Variants in ALMS1 observed in about 807,000 individuals in gnomAD.
The protein encoded by ALMS1 is ALMS1 centrosome and basal body associated protein.
ALMS1 carries 271 observed loss-of-function variants against 352.2 expected under a neutral mutation model. The ratio of observed to expected loss-of-function variants is 0.77; its 90% CI spans 0.70 to 0.85. The LOEUF is 0.85. ALMS1 is among the 40% of genes least tolerant of loss of function. The pLI is 0.00. For missense variants in ALMS1, 5,445 were observed against 4,870.7 expected (o/e 1.12, Z -3.51); for synonymous variants, 1,865 against 1,761.2 (o/e 1.06, Z -1.48).
At chr2:73,460,506 T>C (rs555404098) in intron 9 of ALMS1, among the ~76,000 whole-genome samples, 1 of 152,246 alleles carries the variant, frequency 6.6e-6, no homozygotes, top group East Asian at 1.9e-4. Context: ...CAGCTCCCAG[T>C]GTGAGCAACG....
chr2:73,544,568 G>C (rs13386124), intron 12 of ALMS1, among the ~76,000 whole-genome samples: 69,620 of 151,986 alleles, frequency 0.46, 17,365 homozygotes, highest in African/African-American at 0.67. Flanking sequence ...GTGTTGTCAG[G>C]GACATGGAGA....
rs745802005 is a variant in ALMS1 at position 73,450,090 on chromosome 2, T to C, written c.3563T>C (p.Leu1188Pro). The C allele has an allele frequency of 2.5e-6, 4 of 1,613,254 alleles. No homozygotes were observed. The Admixed American group carries it at 5.0e-5, about 20-fold the overall frequency. The change falls in exon 8 of 23, where the codon CTT (leucine) becomes CCT (proline). Residue 1188 changes from leucine (L) to proline (P), a missense_variant. Leu to Pro is a moderately conservative substitution (Grantham distance 98). Coordinates refer to ENST00000613296, the MANE Select transcript of ALMS1 (RefSeq NM_001378454.1). Reference protein sequence around the residue: ...GNQKTWIPRVLSTFYSQREKP... With the variant: ...GNQKTWIPRVPSTFYSQREKP... ...CAGAAGACTTGGATACCAAGAGTACTTTCTACCTTCTACTCACAAAGAGAG... is the reference window on the plus strand; with the variant it reads ...CAGAAGACTTGGATACCAAGAGTACCTTCTACCTTCTACTCACAAAGAGAG...
chr2:73,510,920 G>T (rs975704845), intron 10 of ALMS1, among the ~76,000 whole-genome samples: 1 of 152,194 alleles, frequency 6.6e-6, no homozygotes, highest in Non-Finnish European at 1.5e-5. Flanking sequence ...GCCCAGAGAG[G>T]AGGAATCTAG....
chr2:73,494,571 T>G (rs1457792882), intron 10 of ALMS1, among the ~76,000 whole-genome samples: 2 of 151,814 alleles, frequency 1.3e-5, no homozygotes, highest in East Asian at 3.8e-4. Flanking sequence ...CTATGACAGT[T>G]TCCCAGTCTT....
rs1674967197 is a variant in ALMS1, at chr2:73,572,810, C to T, written c.10933C>T (p.Gln3645Ter). Residue 3645 changes from glutamine (Q) to a stop codon, truncating the protein, a stop_gained, in exon 16 of 23, where the codon CAG (glutamine) becomes TAG (stop). Coordinates refer to ENST00000613296, the MANE Select transcript of ALMS1 (RefSeq NM_001378454.1). LOFTEE classifies it high-confidence loss of function. ...TCAGAATCCAATCACACATTCTCTCCAGGTCTCAGAAAGTACACATGATGA... is the reference window on the plus strand; with the variant it reads ...TCAGAATCCAATCACACATTCTCTCTAGGTCTCAGAAAGTACACATGATGA... ...ILQNPITHSL[Q>*]VSESTHDDSR... 3 of 1,613,870 alleles carry T rather than the reference C, an allele frequency of 1.9e-6. No individual in the cohort carries two copies. Among genetic ancestry groups the T allele is most frequent in the South Asian group, 1.1e-5 (1 of 91,058 alleles).
At chr2:73,573,485 A>G in intron 16 of ALMS1, 61 bp downstream of exon 16, 1 of 1,563,710 alleles carries the variant, frequency 6.4e-7, no homozygotes, top group South Asian at 1.1e-5. Context: ...TTTTTAGTTA[A>G]GCTTTGCACA....
chr2:73,586,183 G>A (rs7608706), intron 16 of ALMS1, among the ~76,000 whole-genome samples: 11,136 of 152,142 alleles, frequency 0.073, 1,006 homozygotes, highest in African/African-American at 0.21. Context: ...GTCCGTTGTC[G>A]GATGCATGGT....
chr2:73,569,100 C>T (rs1674867610), intron 15 of ALMS1, among the ~76,000 whole-genome samples: 1 of 136,954 alleles, frequency 7.3e-6, no homozygotes, highest in African/African-American at 2.8e-5. Context: ...CTGCAACCTC[C>T]ACCTTTTGGA....
intron 16 of ALMS1, among the ~76,000 whole-genome samples, chr2:73,583,868 T>C (rs1675252805): frequency 6.6e-6 from 1 of 152,188 alleles, no homozygotes; most frequent in East Asian, 1.9e-4. Context: ...TATCACACTA[T>C]TTTGATTACT....
At chr2:73,514,721 A>G (rs182882367) in intron 10 of ALMS1, among the ~76,000 whole-genome samples, 1 of 152,244 alleles carries the variant, frequency 6.6e-6, no homozygotes, top group East Asian at 1.9e-4. Flanking sequence ...AGCCTAAAAA[A>G]TTTCCTTTAG....
At position 73,527,378 on chromosome 2, in the gene ALMS1, C is replaced by T. The variant is rs145466024; in HGVS notation, c.9781+7362C>T. ...TCTTCTTTAACTATTTGGTACAATT[C>T]GGCAGTTAAGCCATTGAGTCCTCAG... On this transcript the variant is annotated intron_variant, in intron 11 of 22. Coordinates refer to ENST00000613296, the MANE Select transcript of ALMS1 (RefSeq NM_001378454.1). Among the ~76,000 whole-genome samples the T allele has an allele frequency of 1.7e-3, 257 of 151,866 alleles. 1 individual carries two copies. Among genetic ancestry groups the T allele is most frequent in the African/African-American group, 4.4e-3 (182 of 41,440 alleles).
Position 73,514,656 on chromosome 2 carries a change from T to A in ALMS1, c.9540-5119T>A, listed in dbSNP as rs1192488057. 2.0e-5 allele frequency among the ~76,000 whole-genome samples: 3 copies of A among 152,222 alleles called. No homozygotes were observed. The East Asian group carries it at 5.8e-4, about 29-fold the overall frequency. ...TATATATTTACATACACACATCCTT[T>A]AAGTGTTCTGCATTCTTTCTAGCAG... is the stretch of plus-strand genomic sequence containing the variant. On this transcript the variant is annotated intron_variant, in intron 10 of 22. Coordinates refer to ENST00000613296, the MANE Select transcript of ALMS1 (RefSeq NM_001378454.1).
At position 73,607,633 on chromosome 2, in the gene ALMS1, TA is replaced by T. The variant is rs954848880; in HGVS notation, c.12363-841del. Among the ~76,000 whole-genome samples, 4 of 152,070 alleles carry T rather than the reference TA, an allele frequency of 2.6e-5. 1 individual carries two copies. The highest frequency in any genetic ancestry group is 2.1e-4 in the South Asian group (1 of 4,818). ...CCTTTCTGCTCTTATCCATCATTAT[TA>T]TTTTTTTATTATTATTATTATTTTT... On this transcript the variant is annotated intron_variant, in intron 21 of 22. Coordinates refer to ENST00000613296, the MANE Select transcript of ALMS1 (RefSeq NM_001378454.1).
Position 73,453,750 on chromosome 2 carries a change from T to A in ALMS1, c.7223T>A (p.Met2408Lys). The change falls in exon 8 of 23, where the codon ATG becomes AAG. Residue 2408 changes from methionine (M) to lysine (K), a missense_variant. Physicochemically the swap from Met to Lys is moderately conservative, Grantham distance 95. Transcript: ENST00000613296. Reference protein sequence around the residue: ...TIGNKIIIPMMTVIKSDSSSD... With the variant: ...TIGNKIIIPMKTVIKSDSSSD... ...GGGAATAAAATTATTATCCCTATGATGACTGTCATAAAAAGTGATTCAAGT... is the reference window on the plus strand; with the variant it reads ...GGGAATAAAATTATTATCCCTATGAAGACTGTCATAAAAAGTGATTCAAGT... The A allele has an allele frequency of 6.2e-7, 1 of 1,614,168 alleles. No individual in the cohort carries two copies. Among genetic ancestry groups the A allele is most frequent in the Non-Finnish European group, 8.5e-7 (1 of 1,180,008 alleles).
In ALMS1 at chr2:73,397,111, T is replaced by TA. The variant is rs1205980888; in HGVS notation, c.324+10920dup. On this transcript the variant is annotated intron_variant, in intron 1 of 22. Transcript: ENST00000613296. ...TGCTAGGGGTTGTGGAGATAAAACT[T>TA]ACAGAAGCATGGAGGCCCTTCATAA... 2.6e-5 allele frequency among the ~76,000 whole-genome samples: 4 copies of TA among 152,326 alleles called. No homozygotes were observed. The East Asian group carries it at 7.7e-4, about 29-fold the overall frequency.
chr2:73,483,956 C>T (rs1376579258), intron 9 of ALMS1, among the ~76,000 whole-genome samples: 1 of 150,088 alleles, frequency 6.7e-6, no homozygotes, highest in Non-Finnish European at 1.5e-5. Context: ...TTATTTTGAG[C>T]CTATGTGTGT....
At chr2:73,436,006 T>C (rs966586457) in intron 7 of ALMS1, among the ~76,000 whole-genome samples, 1 of 152,250 alleles carries the variant, frequency 6.6e-6, no homozygotes, top group Non-Finnish European at 1.5e-5. Context: ...TGTTTTGTTA[T>C]GAAAATGTTA....
chr2:73,556,523 T>C (rs943977695), intron 13 of ALMS1, among the ~76,000 whole-genome samples: 5 of 152,084 alleles, frequency 3.3e-5, no homozygotes, highest in African/African-American at 1.2e-4. Context: ...TCTTGGATTA[T>C]ATGAAATATA....
intron 12 of ALMS1, among the ~76,000 whole-genome samples, chr2:73,542,286 G>C (rs922101095): frequency 1.3e-5 from 2 of 152,120 alleles, no homozygotes; most frequent in Non-Finnish European, 2.9e-5. Flanking sequence ...TATCTCAATA[G>C]ATGCAGAAAA....
Sources: gnomAD v4.1 joint callset for allele counts (sites outside exome capture counted in the v4.1 genomes callset) on GRCh38, gnomAD v4.1.1 for gene constraint, MANE v1.5 for transcripts, NCBI Gene and HGNC (gene_info 2026-07-23, HGNC 2026-07-21) for gene names.